Variants in ZNF730 observed in about 807,000 individuals in gnomAD.
The protein encoded by ZNF730 is zinc finger protein 730.
In ZNF730, 12 loss-of-function variants were observed where a neutral mutation model predicts 12.6. The ratio of observed to expected loss-of-function variants is 0.95; its 90% CI spans 0.61 to 1.54. ZNF730 has a LOEUF of 1.54. Ranked by LOEUF, ZNF730 falls within the 40% of genes most tolerant of loss-of-function variation. ZNF730 has a pLI of 0.00. For synonymous variants in ZNF730, 194 were observed against 195.8 expected, an observed-to-expected ratio of 0.99 and a Z score of 0.08; for missense variants, 643 against 583.5, an observed-to-expected ratio of 1.10 and a Z score of -1.05.
chr19:23,117,976 TC>T (rs1970553508), intron 1 of ZNF730, among the ~76,000 whole-genome samples: 1 of 152,104 alleles, frequency 6.6e-6, no homozygotes, highest in Non-Finnish European at 1.5e-5. Context: ...AGACTGATCT[TC>T]TGCATTTTTT....
intron 1 of ZNF730, among the ~76,000 whole-genome samples, chr19:23,109,266 T>C (rs1036845659): frequency 6.6e-6 from 1 of 151,930 alleles, no homozygotes; most frequent in Non-Finnish European, 1.5e-5. Flanking sequence ...AGTCTTGCTC[T>C]GTCACCAGGC....
intron 1 of ZNF730, among the ~76,000 whole-genome samples, chr19:23,083,185 G>A (rs1969995354): frequency 6.6e-6 from 1 of 152,046 alleles, no homozygotes; most frequent in South Asian, 2.1e-4. Context: ...CAGCACTTTG[G>A]GAGGCTGAGG....
chr19:23,130,510 G>A (rs1970732792), intron 1 of ZNF730, among the ~76,000 whole-genome samples: 1 of 152,078 alleles, frequency 6.6e-6, no homozygotes, highest in Admixed American at 6.5e-5. Flanking sequence ...AAAAAAACTT[G>A]GGCTTTATTT....
chr19:23,135,242 A>T (rs1364095777), intron 2 of ZNF730, among the ~76,000 whole-genome samples: 2 of 128,260 alleles, frequency 1.6e-5, no homozygotes, highest in African/African-American at 2.8e-5. Context: ...AAAAAAAAAA[A>T]AAAAAAAAAA....
rs182560896 is a variant in ZNF730, at chr19:23,125,391, C to T, written c.3+8215C>T. ...GGGAAAGTGTGGAACTCCCTAGAAA[C>T]TTGTTGAATGGCTGTGACCAAGATG... On this transcript the variant is annotated intron_variant, in intron 1 of 3. Coordinates refer to ENST00000597761, the MANE Select transcript of ZNF730 (RefSeq NM_001277403.2). Among the ~76,000 whole-genome samples, 6 of 152,272 alleles carry T rather than the reference C, an allele frequency of 3.9e-5. No individual in the cohort carries two copies. The East Asian group carries it at 1.2e-3, about 29-fold the overall frequency.
At chr19:23,091,065 G>A (rs553067556) in intron 1 of ZNF730, among the ~76,000 whole-genome samples, 2 of 151,892 alleles carry the variant, frequency 1.3e-5, no homozygotes, top group African/African-American at 4.8e-5. Context: ...CCCATGCTGT[G>A]TGCAGCCTAA....
rs1222607290 is a variant in ZNF730 at position 23,145,669 on chromosome 19, G to C, written c.625G>C (p.Ala209Pro). The change falls in exon 4 of 4, where the codon GCC (alanine) becomes CCC (proline). Residue 209 changes from alanine to proline, a missense_variant. By Grantham distance (27) the Ala-to-Pro change is conservative (BLOSUM62 -1). Transcript: ENST00000597761. ...CTACAAATGTGAAGAATATGGCAAA[G>C]CCTTTAATGAGTCCTCAAACTGTAC... Reference protein sequence around the residue: ...KSYKCEEYGKAFNESSNCTTH... With the variant: ...KSYKCEEYGKPFNESSNCTTH... The C allele has an allele frequency of 6.4e-7, 1 of 1,556,434 alleles. No homozygotes were observed. Among genetic ancestry groups the C allele is most frequent in the Non-Finnish European group, 8.7e-7 (1 of 1,151,716 alleles).
At chr19:23,094,391 T>TATCC (rs1555712295) in intron 1 of ZNF730, among the ~76,000 whole-genome samples, 1 of 141,696 alleles carries the variant, frequency 7.1e-6, no homozygotes, top group Non-Finnish European at 1.5e-5. Context: ...TCTATCTATC[T>TATCC]GTCTATCTGT....
intron 1 of ZNF730, among the ~76,000 whole-genome samples, chr19:23,118,366 G>GTTTTTTTTTTT (rs3841327): frequency 7.2e-6 from 1 of 139,482 alleles, no homozygotes; most frequent in African/African-American, 2.6e-5. Flanking sequence ...TTTGTTTTTT[G>GTTTTTTTTTTT]TTTTTTTTTT....
At chr19:23,117,534 G>GAAT (rs1970547109) in intron 1 of ZNF730, among the ~76,000 whole-genome samples, 1 of 152,334 alleles carries the variant, frequency 6.6e-6, no homozygotes, top group Admixed American at 6.5e-5. Flanking sequence ...GCTTTGGTCT[G>GAAT]TGGCGTTCCC....
At chr19:23,078,501 C>A (rs982370002) in intron 1 of ZNF730, among the ~76,000 whole-genome samples, 4 of 152,028 alleles carry the variant, frequency 2.6e-5, no homozygotes, top group African/African-American at 9.7e-5. Context: ...GATATTTGTT[C>A]ACGTGTTTTC....
At chr19:23,135,720 C>A (rs1374148932) in intron 2 of ZNF730, among the ~76,000 whole-genome samples, 1 of 152,016 alleles carries the variant, frequency 6.6e-6, no homozygotes, top group Admixed American at 6.6e-5. Context: ...ACTATGTTGG[C>A]CAGGCTGGTC....
At chr19:23,125,709 A>T (rs547661661) in intron 1 of ZNF730, 1 of 153,048 alleles carries the variant, frequency 6.5e-6, no homozygotes, top group Admixed American at 6.5e-5. Flanking sequence ...ATTTTAAGAG[A>T]TAACAAATGA....
At chr19:23,134,322 T>G (rs1970790910) in intron 2 of ZNF730, 116 bp downstream of exon 2, 2 of 966,036 alleles carry the variant, frequency 2.1e-6, no homozygotes, top group Non-Finnish European at 2.9e-6. Flanking sequence ...CTTTTTTTTT[T>G]TAAGTCCTCA....
At chr19:23,116,872 ACT>A, upstream of ZNF730, 1 of 342,204 alleles carries the variant, frequency 2.9e-6, no homozygotes, top group South Asian at 6.0e-5. Flanking sequence ...CTACGCTGTC[ACT>A]CTTCATTCAG....
intron 3 of ZNF730, among the ~76,000 whole-genome samples, chr19:23,142,816 A>T (rs1970943260): frequency 6.7e-6 from 1 of 149,988 alleles, no homozygotes; most frequent in African/African-American, 2.5e-5. Flanking sequence ...TTTGTCCCTC[A>T]TTTTCTCTTT....
At chr19:23,095,101 C>T (rs1970226396) in intron 1 of ZNF730, 2 of 342,796 alleles carry the variant, frequency 5.8e-6, no homozygotes, top group African/African-American at 2.1e-5. Context: ...GATGCTCCTG[C>T]CTGGGCCCAA....
At chr19:23,099,539 T>C (rs1184636971) in intron 1 of ZNF730, among the ~76,000 whole-genome samples, 1 of 152,204 alleles carries the variant, frequency 6.6e-6, no homozygotes, top group South Asian at 2.1e-4. Context: ...GGACTCTGTT[T>C]GTGGATTCTG....
At chr19:23,113,969 A>G (rs2145581116), upstream of ZNF730, among the ~76,000 whole-genome samples, 1 of 152,092 alleles carries the variant, frequency 6.6e-6, no homozygotes, top group South Asian at 2.1e-4. Flanking sequence ...TTTTGTTTAC[A>G]TAGTAAACTG....
Sources: gnomAD v4.1 joint callset for allele counts (sites outside exome capture counted in the v4.1 genomes callset) on GRCh38, gnomAD v4.1.1 for gene constraint, MANE v1.5 for transcripts, NCBI Gene and HGNC (gene_info 2026-07-23, HGNC 2026-07-21) for gene names.